Variants in METTL9 observed in about 807,000 individuals in gnomAD.
The protein encoded by METTL9 is methyltransferase 9, His-X-His N1(pi)-histidine.
A neutral mutation model predicts 36.0 loss-of-function variants in METTL9; 10 were observed. The observed-to-expected ratio is 0.28, with a 90% CI of 0.17 to 0.47. METTL9 has a LOEUF of 0.47. METTL9 is among the 20% of genes least tolerant of loss of function. The pLI is 0.99. For synonymous variants in METTL9, 175 were observed against 149.7 expected (o/e 1.17, Z -1.23); for missense variants, 246 against 383.5 (o/e 0.64, Z 3.00).
intron 3 of METTL9, among the ~76,000 whole-genome samples, chr16:21,622,051 C>T (rs1018798931): frequency 2.7e-5 from 4 of 150,734 alleles, no homozygotes; most frequent in African/African-American, 9.8e-5. Flanking sequence ...CTGTGTTGCC[C>T]AGCTGGTCTT....
chr16:21,600,108 T>C (rs887425955), intron 1 of METTL9, among the ~76,000 whole-genome samples: 2 of 152,068 alleles, frequency 1.3e-5, no homozygotes, highest in African/African-American at 4.8e-5. Context: ...GAGCGCCTTT[T>C]GTTCCGCAGC....
At position 21,641,781 on chromosome 16, in the gene METTL9, CT is replaced by C. The variant is rs916803715; in HGVS notation, c.752-13435del. The stretch of plus-strand genomic sequence containing the variant: ...AGTAGGATGTGGGAACTGAAAAATA[CT>C]TTTTTTTTTTGTTTGGATGCTACTG... On this transcript the variant is annotated intron_variant, in intron 4 of 4. Coordinates refer to ENST00000358154, the MANE Select transcript of METTL9 (RefSeq NM_016025.5). Among the ~76,000 whole-genome samples the C allele has an allele frequency of 5.3e-4, 78 of 146,704 alleles. 1 individual carries two copies. Among genetic ancestry groups the C allele is most frequent in the East Asian group, 2.4e-3 (12 of 5,046 alleles).
chr16:21,597,573 G>A (rs1163383543), upstream of METTL9, among the ~76,000 whole-genome samples: 1 of 152,146 alleles, frequency 6.6e-6, no homozygotes, highest in African/African-American at 2.4e-5. Context: ...TTGTTCATCT[G>A]ATAACATTTT....
chr16:21,642,254 A>G (rs1225336133), intron 4 of METTL9: 6 of 152,116 alleles, frequency 3.9e-5, no homozygotes, highest in Non-Finnish European at 8.8e-5. Flanking sequence ...GCTGTTTAAG[A>G]GGAAAATATC....
At chr16:21,652,291 T>TG (rs1966597514) in intron 4 of METTL9, 4 of 385,394 alleles carry the variant, frequency 1.0e-5, no homozygotes, top group Non-Finnish European at 1.8e-5. Flanking sequence ...AACCCTTTGG[T>TG]CAGATTGTCT....
At chr16:21,613,315 C>G (rs1230110105) in intron 2 of METTL9, among the ~76,000 whole-genome samples, 2 of 151,404 alleles carry the variant, frequency 1.3e-5, no homozygotes, top group African/African-American at 4.9e-5. Context: ...TCCCAAGTAG[C>G]TGGGATTACA....
intron 4 of METTL9, among the ~76,000 whole-genome samples, chr16:21,630,308 C>T (rs532500955): frequency 2.6e-5 from 4 of 152,368 alleles, no homozygotes; most frequent in East Asian, 3.9e-4. Flanking sequence ...CCGGAACCCA[C>T]GCTGGCTCCC....
At chr16:21,623,788 T>G (rs1965758001) in intron 3 of METTL9, among the ~76,000 whole-genome samples, 1 of 152,144 alleles carries the variant, frequency 6.6e-6, no homozygotes, top group Admixed American at 6.5e-5. Flanking sequence ...TTGTTTTGTT[T>G]TGAGATGGAG....
At chr16:21,645,714 A>C (rs1966405079) in intron 4 of METTL9, among the ~76,000 whole-genome samples, 1 of 152,120 alleles carries the variant, frequency 6.6e-6, no homozygotes, top group African/African-American at 2.4e-5. Flanking sequence ...TTTACAAGCC[A>C]TTTTTCCCTT....
chr16:21,628,647 C>A lies in METTL9; in HGVS notation c.751+3532C>A, dbSNP rs151186224. On this transcript the variant is annotated intron_variant, in intron 4 of 4. Transcript: ENST00000358154. ...TAGCTGGGACTACAGGTGCATACCA[C>A]CACACCCATCTAACTTTTGTATTTT... Among the ~76,000 whole-genome samples the A allele has an allele frequency of 1.4e-3, 217 of 152,164 alleles. 1 individual carries two copies. In the Middle Eastern group the frequency reaches 0.031, roughly 21 times the overall value.
chr16:21,628,478 C>T (rs1252099023), intron 4 of METTL9, among the ~76,000 whole-genome samples: 3 of 152,066 alleles, frequency 2.0e-5, no homozygotes, highest in East Asian at 3.8e-4. Context: ...TGTCCTCCCC[C>T]ACTTTTTTTT....
chr16:21,622,701 T>C (rs1473672883), intron 3 of METTL9, among the ~76,000 whole-genome samples: 1 of 152,212 alleles, frequency 6.6e-6, no homozygotes, highest in African/African-American at 2.4e-5. Flanking sequence ...CTTGAGCTTC[T>C]ATAGGTATAG....
intron 4 of METTL9, chr16:21,651,897 C>T (rs1966586348): frequency 6.6e-6 from 1 of 152,120 alleles, no homozygotes; most frequent in Non-Finnish European, 1.5e-5. Context: ...CAAAAAGTCA[C>T]CCATAGTCCT....
chr16:21,599,530 C>T, upstream of METTL9: 1 of 1,266,986 alleles, frequency 7.9e-7, no homozygotes, highest in Non-Finnish European at 9.9e-7. The surrounding 1 kb of genome is among the most constrained non-coding windows in gnomAD (Gnocchi z 4.4). Flanking sequence ...CGGCGTTCCG[C>T]GGCCGGAAGG....
upstream of METTL9, chr16:21,597,223 G>C (rs866494522): frequency 1.6e-6 from 2 of 1,272,358 alleles, no homozygotes; most frequent in Middle Eastern, 2.1e-4. Flanking sequence ...TAATTCAGGA[G>C]GCTCTCTGAG....
chr16:21,602,211 G>A lies in METTL9; in HGVS notation c.165+2313G>A, dbSNP rs539761869. 3.8e-4 allele frequency among the ~76,000 whole-genome samples: 58 copies of A among 152,280 alleles called. No homozygotes were observed. In the South Asian group the frequency reaches 0.012, roughly 32 times the overall value. On this transcript the variant is annotated intron_variant, in intron 1 of 4. Transcript: ENST00000358154. ...GGAGTTGCATAAAAGTAGGGTTGTG[G>A]ATTTGATTGAACCATACTTAGCAAA... is the stretch of plus-strand genomic sequence containing the variant.
intron 4 of METTL9, among the ~76,000 whole-genome samples, chr16:21,626,260 C>G (rs2141590124): frequency 6.6e-6 from 1 of 152,274 alleles, no homozygotes; most frequent in East Asian, 1.9e-4. Flanking sequence ...TTCAGAAACT[C>G]TTAAGAGCTC....
At chr16:21,641,040 T>G (rs182308969) in intron 4 of METTL9, 2 of 152,418 alleles carry the variant, frequency 1.3e-5, no homozygotes, top group Non-Finnish European at 2.9e-5. Flanking sequence ...CAGGCAAATG[T>G]GCGTTACCCC....
intron 4 of METTL9, among the ~76,000 whole-genome samples, chr16:21,649,264 A>G (rs1281501808): frequency 6.6e-6 from 1 of 152,170 alleles, no homozygotes; most frequent in Non-Finnish European, 1.5e-5. Flanking sequence ...AAGTGCTGGG[A>G]TTACAGGTGT....
Sources: allele counts gnomAD v4.1 joint callset (sites outside exome capture counted in the v4.1 genomes callset), GRCh38; gene constraint gnomAD v4.1.1; non-coding constraint Gnocchi (gnomAD v3.1); transcripts MANE v1.5; gene names NCBI Gene and HGNC (gene_info 2026-07-23, HGNC 2026-07-21).